Variants in FDFT1 observed in about 807,000 individuals in gnomAD.
The protein encoded by FDFT1 is squalene synthase.
A neutral mutation model predicts 46.8 loss-of-function variants in FDFT1; 68 were observed. The ratio of observed to expected loss-of-function variants is 1.45; its 90% CI spans 1.19 to 1.78. FDFT1 has a LOEUF of 1.78. FDFT1 is among the 40% of genes most tolerant of loss of function. The pLI, the probability that FDFT1 is intolerant of heterozygous loss-of-function variation, is 0.00. For missense variants in FDFT1, 928 were observed against 524.4 expected, an observed-to-expected ratio of 1.77 and a Z score of -7.52; for synonymous variants, 351 against 185.1, an observed-to-expected ratio of 1.90 and a Z score of -7.28.
chr8:11,802,364 T>TC, upstream of FDFT1: 1 of 448,458 alleles, frequency 2.2e-6, no homozygotes, highest in Admixed American at 2.4e-5. Context: ...CCCGCACTGC[T>TC]CTCCCGACTG....
intron 7 of FDFT1, among the ~76,000 whole-genome samples, chr8:11,838,123 C>T (rs919380738): frequency 1.3e-5 from 2 of 152,202 alleles, no homozygotes; most frequent in African/African-American, 2.4e-5. Flanking sequence ...TGTGGCTCAG[C>T]CGCTGCTCTC....
chr8:11,804,797 C>G (rs751160813), intron 1 of FDFT1, among the ~76,000 whole-genome samples: 1 of 151,386 alleles, frequency 6.6e-6, no homozygotes, highest in Non-Finnish European at 1.5e-5. Flanking sequence ...TTAGTAGAGA[C>G]GGGGTTTCAC....
chr8:11,815,980 C>A (rs1042657921), intron 3 of FDFT1, among the ~76,000 whole-genome samples: 1 of 152,152 alleles, frequency 6.6e-6, no homozygotes, highest in African/African-American at 2.4e-5. Context: ...GCATTTTCTT[C>A]TAGGGTTTTT....
chr8:11,814,948 C>A (rs1210360802), intron 3 of FDFT1, among the ~76,000 whole-genome samples: 2 of 152,014 alleles, frequency 1.3e-5, no homozygotes, highest in Admixed American at 1.3e-4. Flanking sequence ...ATACATGTGC[C>A]ATGTTGGTTT....
At chr8:11,806,303 T>C (rs1806825205) in intron 1 of FDFT1, among the ~76,000 whole-genome samples, 1 of 152,192 alleles carries the variant, frequency 6.6e-6, no homozygotes, top group Non-Finnish European at 1.5e-5. Flanking sequence ...CTGAGCTTGC[T>C]TTCTCCCCTG....
intron 1 of FDFT1, among the ~76,000 whole-genome samples, chr8:11,796,601 TGCTCTGATTGGAG>T (rs1486865563): frequency 2.6e-5 from 4 of 152,200 alleles, no homozygotes; most frequent in Non-Finnish European, 4.4e-5. Flanking sequence ...GCTGCAGCAG[TGCTCTGATTGGAG>T]GCTTCTGGCC....
At position 11,821,585 on chromosome 8, in the gene FDFT1, CAT is replaced by C. The variant is rs983729427; in HGVS notation, c.382-164_382-163del. ...CAGCCTGGGCAACATTGCGAGACTCCATCTCAAAAACAAAAACAAAAACAAAA... is the reference window on the plus strand; with the variant it reads ...CAGCCTGGGCAACATTGCGAGACTCCCTCAAAAACAAAAACAAAAACAAAA... On this transcript the variant is annotated intron_variant, in intron 3 of 7. Transcript: ENST00000220584. Among the ~76,000 whole-genome samples, 45 of 152,102 alleles carry C rather than the reference CAT, an allele frequency of 3.0e-4. 1 individual carries two copies. Among genetic ancestry groups the C allele is most frequent in the African/African-American group, 1.0e-3 (43 of 41,404 alleles).
Position 11,830,427 on chromosome 8 carries a change from A to T in FDFT1, c.879+7A>T. 1 of 1,608,982 alleles carries T rather than the reference A, an allele frequency of 6.2e-7. No individual in the cohort carries two copies. The highest frequency in any genetic ancestry group is 8.5e-7 in the Non-Finnish European group (1 of 1,175,958). ...CTTCTGTGCTATTCCACAGGTAGGG[A>T]AGGGGGCTCCTCTGGGTGGATACGG... On this transcript the variant is annotated splice_region_variant and intron_variant, in intron 6 of 7. Transcript: ENST00000220584.
At chr8:11,829,502 A>G (rs1295087617) in intron 5 of FDFT1, among the ~76,000 whole-genome samples, 1 of 152,238 alleles carries the variant, frequency 6.6e-6, no homozygotes, top group Non-Finnish European at 1.5e-5. Context: ...GAGTAGGAAT[A>G]TAATGTTAGT....
In FDFT1 at chr8:11,808,738, ACTC is replaced by A. The variant is rs1585877282; in HGVS notation, c.100-54_100-52del. On this transcript the variant is annotated intron_variant, in intron 1 of 7. Coordinates refer to ENST00000220584, the MANE Select transcript of FDFT1 (RefSeq NM_004462.5). ...CACTCCCACTCCCACTCCCACTCCCACTCCCACTCCTGCTCCTCGACGTCTCCC... is the reference window on the plus strand; with the variant it reads ...CACTCCCACTCCCACTCCCACTCCCACCACTCCTGCTCCTCGACGTCTCCC... 4 of 1,553,074 alleles carry A rather than the reference ACTC, an allele frequency of 2.6e-6. No homozygotes were observed. The East Asian group carries it at 9.2e-5, about 36-fold the overall frequency.
intron 6 of FDFT1, among the ~76,000 whole-genome samples, chr8:11,831,042 C>G (rs1810708722): frequency 2.6e-5 from 4 of 152,190 alleles, no homozygotes; most frequent in South Asian, 2.1e-4. Flanking sequence ...CCTAGAAATA[C>G]TTTACCTTTG....
At chr8:11,820,566 T>C (rs527354078) in intron 3 of FDFT1, among the ~76,000 whole-genome samples, 1 of 152,292 alleles carries the variant, frequency 6.6e-6, no homozygotes, top group East Asian at 1.9e-4. Flanking sequence ...TACTGAAGCC[T>C]CAGCAATGGC....
chr8:11,796,717 A>G (rs1805598535), intron 1 of FDFT1, among the ~76,000 whole-genome samples: 1 of 152,202 alleles, frequency 6.6e-6, no homozygotes, highest in African/African-American at 2.4e-5. Flanking sequence ...CTGAGTTGCA[A>G]GAGTCCTGAC....
At chr8:11,809,899 C>T (rs767665729) in intron 3 of FDFT1, 49 bp downstream of exon 3, 4 of 1,438,538 alleles carry the variant, frequency 2.8e-6, no homozygotes, top group African/African-American at 1.4e-5. Flanking sequence ...TTCATAATTG[C>T]TAACGTGGTT....
At chr8:11,797,618 G>C (rs1805691465), upstream of FDFT1, among the ~76,000 whole-genome samples, 1 of 112,760 alleles carries the variant, frequency 8.9e-6, no homozygotes, top group African/African-American at 3.5e-5. Flanking sequence ...ATAAGACCCT[G>C]TCTGTCTCTC....
At chr8:11,818,739 A>G (rs959350032) in intron 3 of FDFT1, among the ~76,000 whole-genome samples, 2 of 151,754 alleles carry the variant, frequency 1.3e-5, no homozygotes, top group Non-Finnish European at 1.5e-5. Flanking sequence ...TTTTGAGCCT[A>G]TGTGCATCTC....
At chr8:11,805,399 C>T (rs1806705193) in intron 1 of FDFT1, among the ~76,000 whole-genome samples, 1 of 152,120 alleles carries the variant, frequency 6.6e-6, no homozygotes, top group Non-Finnish European at 1.5e-5. Context: ...GTGGCATCAC[C>T]CAAAAGCCGA....
chr8:11,837,911 G>C (rs1301643729), intron 7 of FDFT1, among the ~76,000 whole-genome samples: 1 of 152,158 alleles, frequency 6.6e-6, no homozygotes, highest in Non-Finnish European at 1.5e-5. Flanking sequence ...CTCCAGGGTG[G>C]TTCATACGGC....
At chr8:11,810,325 C>T (rs1563304684) in intron 3 of FDFT1, among the ~76,000 whole-genome samples, 1 of 152,200 alleles carries the variant, frequency 6.6e-6, no homozygotes, top group Non-Finnish European at 1.5e-5. Context: ...ACACTGCTGG[C>T]CTCTTGACTA....
Sources: allele counts gnomAD v4.1 joint callset (sites outside exome capture counted in the v4.1 genomes callset), GRCh38; gene constraint gnomAD v4.1.1; transcripts MANE v1.5; gene names NCBI Gene and HGNC (gene_info 2026-07-23, HGNC 2026-07-21).